Variants in SKAP2 observed in about 807,000 individuals in gnomAD.
SKAP2 encodes src kinase-associated phosphoprotein 2.
Under a neutral mutation model 54.9 loss-of-function variants are expected in SKAP2, and 28 were observed. The observed-to-expected ratio is 0.51, with a 90% CI of 0.38 to 0.70. The LOEUF is 0.70. Ranked by LOEUF, SKAP2 falls within the 30% of genes least tolerant of loss-of-function variation. The pLI is 0.00. For missense variants in SKAP2, 356 were observed against 424.1 expected (o/e 0.84, Z 1.41); for synonymous variants, 137 against 134.3 (o/e 1.02, Z -0.14).
rs569066706 is a variant in SKAP2, at chr7:26,738,775, T to G, written c.469+20A>C. ...AATTCTTTTGCAATAGTAGTTGATA[T>G]AATTGAACACCAACATTACCTTTAT... is the stretch of plus-strand genomic sequence containing the variant. On this transcript the variant is annotated intron_variant, in intron 6 of 12. Coordinates refer to ENST00000345317, the MANE Select transcript of SKAP2 (RefSeq NM_003930.5). 1.4e-6 allele frequency: 2 copies of G among 1,440,916 alleles called. No homozygotes were observed. Among genetic ancestry groups the G allele is most frequent in the African/African-American group, 2.8e-5 (2 of 71,766 alleles). 89.3% of individuals were successfully genotyped at this position (1,440,916 alleles called of 1,614,324 possible).
intron 3 of SKAP2, among the ~76,000 whole-genome samples, chr7:26,844,880 G>T (rs1378037744): frequency 1.3e-5 from 2 of 151,920 alleles, no homozygotes; most frequent in Non-Finnish European, 2.9e-5. Flanking sequence ...TTCGTTGGTC[G>T]ATTTTTTGAT....
At chr7:26,729,984 TC>T (rs1228819227) in intron 6 of SKAP2, among the ~76,000 whole-genome samples, 1 of 152,134 alleles carries the variant, frequency 6.6e-6, no homozygotes, top group East Asian at 1.9e-4. Context: ...TATATAAACA[TC>T]CAAGTCGGGT....
chr7:26,756,752 C>T (rs1165581572), intron 4 of SKAP2, among the ~76,000 whole-genome samples: 1 of 152,160 alleles, frequency 6.6e-6, no homozygotes, highest in Non-Finnish European at 1.5e-5. Context: ...GAGGAATCAC[C>T]ACACTGTCTT....
intron 9 of SKAP2, among the ~76,000 whole-genome samples, chr7:26,697,197 A>C (rs981141612): frequency 6.6e-6 from 1 of 152,174 alleles, no homozygotes; most frequent in African/African-American, 2.4e-5. Flanking sequence ...CTTCTCCCTG[A>C]AACTGCCTTC....
intron 6 of SKAP2, among the ~76,000 whole-genome samples, chr7:26,734,432 A>C (rs1181224049): frequency 6.6e-6 from 1 of 152,114 alleles, no homozygotes; most frequent in African/African-American, 2.4e-5. Context: ...TCTAAGCTCC[A>C]GCCTTCATTC....
intron 4 of SKAP2, among the ~76,000 whole-genome samples, chr7:26,764,850 T>G (rs1335429131): frequency 6.6e-6 from 1 of 152,204 alleles, no homozygotes; most frequent in Non-Finnish European, 1.5e-5. Context: ...GGCGCCTGGC[T>G]GTGCCACATT....
intron 1 of SKAP2, among the ~76,000 whole-genome samples, chr7:26,864,033 C>G (rs1785318873): frequency 7.0e-6 from 1 of 142,724 alleles, no homozygotes; most frequent in African/African-American, 2.8e-5. Context: ...CCCTCTTCCA[C>G]TCTTCCTCCC....
intron 3 of SKAP2, 94 bp from the exon 4 acceptor site, chr7:26,844,231 G>T (rs887024304): frequency 1.4e-6 from 1 of 724,956 alleles, no homozygotes; most frequent in Non-Finnish European, 2.3e-6. Context: ...GTTAGAAGAG[G>T]TAAATTCTAC....
chr7:26,741,606 A>G (rs1720254908), intron 4 of SKAP2, among the ~76,000 whole-genome samples: 1 of 151,930 alleles, frequency 6.6e-6, no homozygotes, highest in African/African-American at 2.4e-5. Context: ...CTAAACAAAT[A>G]TAATTGGATT....
chr7:26,828,362 T>C (rs745880819), intron 4 of SKAP2, among the ~76,000 whole-genome samples: 2 of 152,130 alleles, frequency 1.3e-5, no homozygotes, highest in African/African-American at 4.8e-5. Flanking sequence ...GGCTAGAGAA[T>C]TCAAGAGTTC....
At chr7:26,772,236 C>A (rs1783203839) in intron 4 of SKAP2, among the ~76,000 whole-genome samples, 1 of 151,942 alleles carries the variant, frequency 6.6e-6, no homozygotes, top group South Asian at 2.1e-4. Flanking sequence ...GTTTTTTCAC[C>A]TTTTATTTTA....
intron 6 of SKAP2, among the ~76,000 whole-genome samples, chr7:26,727,921 C>T (rs1010540780): frequency 6.6e-6 from 1 of 152,050 alleles, no homozygotes; most frequent in Non-Finnish European, 1.5e-5. Context: ...TTACTGAGCT[C>T]GGGGCAAATA....
intron 1 of SKAP2, chr7:26,857,371 T>G: frequency 4.5e-6 from 3 of 672,168 alleles, no homozygotes; most frequent in Non-Finnish European, 5.5e-6. Flanking sequence ...ATAATTTTAG[T>G]TTGTTGACTG....
At chr7:26,810,109 G>A (rs1405557462) in intron 4 of SKAP2, among the ~76,000 whole-genome samples, 2 of 152,110 alleles carry the variant, frequency 1.3e-5, no homozygotes, top group African/African-American at 2.4e-5. Context: ...GCTGAAGCAG[G>A]AGGATCACTT....
chr7:26,744,705 T>A (rs894936724), intron 4 of SKAP2, among the ~76,000 whole-genome samples: 3 of 151,872 alleles, frequency 2.0e-5, no homozygotes, highest in African/African-American at 7.3e-5. Flanking sequence ...TTGATGTGTC[T>A]CCTAATAGAC....
chr7:26,751,584 C>G (rs373957723), intron 4 of SKAP2, among the ~76,000 whole-genome samples: 114 of 152,204 alleles, frequency 7.5e-4, no homozygotes, highest in Admixed American at 2.1e-3. Flanking sequence ...AAAGTACCTA[C>G]TCTGGTTTAA....
chr7:26,842,789 T>C (rs1039667501), intron 4 of SKAP2, among the ~76,000 whole-genome samples: 2 of 151,930 alleles, frequency 1.3e-5, no homozygotes, highest in Admixed American at 1.3e-4. Flanking sequence ...GTAGAAATGC[T>C]TTTGAAGATG....
intron 4 of SKAP2, among the ~76,000 whole-genome samples, chr7:26,788,411 C>G (rs921323794): frequency 3.3e-5 from 5 of 151,544 alleles, no homozygotes; most frequent in Non-Finnish European, 7.4e-5. Flanking sequence ...AATCAGAAAG[C>G]ACTTAGCATT....
At chr7:26,728,734 C>T (rs923505084) in intron 6 of SKAP2, among the ~76,000 whole-genome samples, 5 of 152,080 alleles carry the variant, frequency 3.3e-5, no homozygotes, top group South Asian at 2.1e-4. Context: ...ATGTTCACTA[C>T]GAAAAGTGGA....
Sources: allele counts gnomAD v4.1 joint callset (sites outside exome capture counted in the v4.1 genomes callset), GRCh38; gene constraint gnomAD v4.1.1; transcripts MANE v1.5; gene names NCBI Gene and HGNC (gene_info 2026-07-23, HGNC 2026-07-21).